The following SPAM1 variants were observed in gnomAD, a reference collection of about 807,000 sequenced individuals.
The protein encoded by SPAM1 is hyaluronidase PH-20.
In SPAM1, 22 loss-of-function variants were observed where a neutral mutation model predicts 29.6. The observed-to-expected ratio is 0.74, with a 90% CI of 0.53 to 1.06. The LOEUF (loss-of-function observed/expected upper bound fraction) is 1.06. Among genes scored for constraint, SPAM1 ranks in the 50% least tolerant of loss-of-function variants. The pLI, the probability that SPAM1 is intolerant of heterozygous loss-of-function variation, is 0.00. For missense variants in SPAM1, 534 were observed against 604.0 expected (o/e 0.88, Z 1.21); for synonymous variants, 194 against 204.6 (o/e 0.95, Z 0.44).
At chr7:123,951,770 T>C (rs1374084199) in intron 2 of SPAM1, among the ~76,000 whole-genome samples, 2 of 152,046 alleles carry the variant, frequency 1.3e-5, no homozygotes, top group African/African-American at 2.4e-5. Context: ...TACAGAAGCC[T>C]ACCACCATGC....
intron 1 of SPAM1, among the ~76,000 whole-genome samples, chr7:123,946,337 C>T (rs1808575089): frequency 6.6e-6 from 1 of 152,138 alleles, no homozygotes; most frequent in South Asian, 2.1e-4. Context: ...CTCAGCAAAT[C>T]GTCCTGTTGG....
rs747607749 is a variant in SPAM1 at position 123,954,483 on chromosome 7, C to T, written c.913C>T (p.Arg305Cys). Reference sequence around the variant, plus strand: ...TCCACTTCCGGTTTTTGCATATACCCGCATAGTTTTTACTGATCAAGTTTT... The same window carrying T: ...TCCACTTCCGGTTTTTGCATATACCTGCATAGTTTTTACTGATCAAGTTTT... ...KSPLPVFAYT[R>C]IVFTDQVLKF... Residue 305 changes from arginine (R) to cysteine (C), a missense_variant, in exon 3 of 5, where the codon CGC becomes TGC. Arg to Cys is a radical substitution (Grantham distance 180). Coordinates refer to ENST00000682466, the MANE Select transcript of SPAM1 (RefSeq NM_153189.3). The T allele has an allele frequency of 1.6e-5, 25 of 1,610,774 alleles. 1 individual carries two copies. Among genetic ancestry groups the T allele is most frequent in the Non-Finnish European group, 2.0e-5 (23 of 1,177,882 alleles).
chr7:123,939,893 C>T (rs1584951180), intron 1 of SPAM1, among the ~76,000 whole-genome samples: 1 of 152,178 alleles, frequency 6.6e-6, no homozygotes, highest in Non-Finnish European at 1.5e-5. Context: ...AGGTTGTTTT[C>T]ACCAGAACCT....
In SPAM1 at chr7:123,954,432, G is replaced by A. The variant is rs773877910; in HGVS notation, c.862G>A (p.Val288Ile). The A allele has an allele frequency of 1.4e-5, 23 of 1,613,380 alleles. No individual in the cohort carries two copies. The highest frequency in any genetic ancestry group is 1.9e-5 in the Non-Finnish European group (22 of 1,179,624). ...CAATCGAGTTCGGGAAGCCATCAGA[G>A]TTTCCAAAATACCTGATGCAAAAAG... is the stretch of plus-strand genomic sequence containing the variant. Reference protein sequence around the residue: ...VRNRVREAIRVSKIPDAKSPL... With the variant: ...VRNRVREAIRISKIPDAKSPL... Residue 288 changes from valine (V) to isoleucine (I), a missense_variant, in exon 3 of 5, where the codon GTT (valine) becomes ATT (isoleucine). Coordinates refer to ENST00000682466, the MANE Select transcript of SPAM1 (RefSeq NM_153189.3).
chr7:123,967,352 G>T (rs1410357170), intron 5 of SPAM1, among the ~76,000 whole-genome samples: 1 of 152,064 alleles, frequency 6.6e-6, no homozygotes, highest in Admixed American at 6.6e-5. Flanking sequence ...TTGTCTGCAA[G>T]TTCTTCTGTG....
chr7:123,942,666 C>T (rs1808465152), intron 1 of SPAM1, among the ~76,000 whole-genome samples: 2 of 152,174 alleles, frequency 1.3e-5, no homozygotes, highest in African/African-American at 4.8e-5. Flanking sequence ...GAATTCCTCA[C>T]CTCAAGGTCC....
At chr7:123,929,895 A>ATTTTTTTTTTTTTTTTT (rs71163712) in intron 1 of SPAM1, among the ~76,000 whole-genome samples, 2 of 119,812 alleles carry the variant, frequency 1.7e-5, no homozygotes, top group South Asian at 2.9e-4. Context: ...GTGTTTAGGG[A>ATTTTTTTTTTTTTTTTT]TTTTTTTTTT....
intron 4 of SPAM1, among the ~76,000 whole-genome samples, chr7:123,955,871 T>C (rs1380402055): frequency 6.6e-6 from 1 of 151,954 alleles, no homozygotes; most frequent in Non-Finnish European, 1.5e-5. Context: ...TGGTAAAGTA[T>C]TTTATGTGTC....
intron 3 of SPAM1, 62 bp from the exon 4 acceptor site, chr7:123,954,935 G>A (rs1792214804): frequency 5.6e-6 from 6 of 1,076,660 alleles, no homozygotes; most frequent in Non-Finnish European, 7.2e-6. Flanking sequence ...TTGCGTTGCT[G>A]TCCTATGTAT....
chr7:123,960,015 G>T lies in SPAM1; in HGVS notation c.*46G>T. 1 of 1,527,002 alleles carries T rather than the reference G, an allele frequency of 6.5e-7. No individual in the cohort carries two copies. The highest frequency in any genetic ancestry group is 1.3e-5 in the South Asian group (1 of 76,240). 94.6% of individuals were successfully genotyped at this position (1,527,002 alleles called of 1,614,324 possible). A position where few individuals can be genotyped will look rare whatever the true frequency, so the allele number is the denominator to read the frequency against. On this transcript the variant is annotated 3_prime_UTR_variant, in exon 5 of 5. Transcript: ENST00000682466. Reference sequence around the variant, plus strand: ...GAACAATATGTCCATCTTAAAGTGTGCTTTTTCGACTAATTAAATCTTTGA... The same window carrying T: ...GAACAATATGTCCATCTTAAAGTGTTCTTTTTCGACTAATTAAATCTTTGA...
chr7:123,930,738 G>A (rs1435098393), intron 1 of SPAM1, among the ~76,000 whole-genome samples: 1 of 152,138 alleles, frequency 6.6e-6, no homozygotes, highest in East Asian at 1.9e-4. Flanking sequence ...ATTTACTGGG[G>A]GAACTTACAT....
chr7:123,928,538 A>C (rs1224836659), intron 1 of SPAM1, among the ~76,000 whole-genome samples: 1 of 152,228 alleles, frequency 6.6e-6, no homozygotes, highest in Non-Finnish European at 1.5e-5. Flanking sequence ...GGGGTGGCCT[A>C]AGATGTAGGC....
At chr7:123,934,802 A>G (rs1808204365) in intron 1 of SPAM1, among the ~76,000 whole-genome samples, 1 of 152,178 alleles carries the variant, frequency 6.6e-6, no homozygotes, top group Non-Finnish European at 1.5e-5. Flanking sequence ...ATAGAGGCAG[A>G]GAGTAGAATA....
chr7:123,941,689 G>A (rs1166810556), intron 1 of SPAM1, among the ~76,000 whole-genome samples: 2 of 152,186 alleles, frequency 1.3e-5, no homozygotes, highest in Non-Finnish European at 2.9e-5. Context: ...AAAATGGGAA[G>A]CAGGTTTGCC....
chr7:123,938,013 A>G (rs1219906674), intron 1 of SPAM1, among the ~76,000 whole-genome samples: 1 of 152,160 alleles, frequency 6.6e-6, no homozygotes, highest in East Asian at 1.9e-4. Flanking sequence ...GTTAGAAAGA[A>G]TGGTGGCAGT....
chr7:123,954,521 T>C lies in SPAM1; in HGVS notation c.951T>C (p.Ser317=). The part of the protein sequence containing the change: ...VFTDQVLKFL[S]QDELVYTFGE... The stretch of plus-strand genomic sequence containing the variant: ...CTGATCAAGTTTTGAAATTCCTTTC[T>C]CAAGTAAGTAAATCAGGGTATGAGG... The change falls in exon 3 of 5, where the codon TCT becomes TCC. Residue 317 remains serine, a synonymous_variant. Coordinates refer to ENST00000682466, the MANE Select transcript of SPAM1 (RefSeq NM_153189.3). 6.3e-7 allele frequency: 1 copy of C among 1,582,684 alleles called. No individual in the cohort carries two copies. Among genetic ancestry groups the C allele is most frequent in the Non-Finnish European group, 8.6e-7 (1 of 1,156,730 alleles).
At chr7:123,925,494 A>G (rs2117009131) in intron 1 of SPAM1, 142 bp downstream of exon 1, 1 of 152,288 alleles carries the variant, frequency 6.6e-6, no homozygotes, top group African/African-American at 2.4e-5. Flanking sequence ...TGAGGATGGT[A>G]TGAAGTAAGA....
At chr7:123,960,309 A>G (rs566577980), downstream of SPAM1, among the ~76,000 whole-genome samples, 5 of 152,006 alleles carry the variant, frequency 3.3e-5, no homozygotes, top group Non-Finnish European at 7.4e-5. Context: ...CATTTTGATA[A>G]AATAAAACTT....
intron 4 of SPAM1, among the ~76,000 whole-genome samples, chr7:123,958,537 T>C (rs1792294444): frequency 6.6e-6 from 1 of 152,018 alleles, no homozygotes; most frequent in Non-Finnish European, 1.5e-5. Context: ...TATTTAAACT[T>C]GTCTGGCAGG....
Sources: gnomAD v4.1 joint callset for allele counts (sites outside exome capture counted in the v4.1 genomes callset) on GRCh38, gnomAD v4.1.1 for gene constraint, MANE v1.5 for transcripts, NCBI Gene and HGNC (gene_info 2026-07-23, HGNC 2026-07-21) for gene names.